Variants in TGM6 observed in about 807,000 individuals in gnomAD.
The protein encoded by TGM6 is protein-glutamine gamma-glutamyltransferase 6.
In TGM6, 74 loss-of-function variants were observed where a neutral mutation model predicts 77.5. The observed-to-expected ratio is 0.96, with a 90% CI of 0.79 to 1.16. The LOEUF (loss-of-function observed/expected upper bound fraction) is 1.16. Among genes scored for constraint, TGM6 ranks in the 50% most tolerant of loss-of-function variants. TGM6 has a pLI of 0.00. For synonymous variants in TGM6, 383 were observed against 378.9 expected, an observed-to-expected ratio of 1.01 and a Z score of -0.12; for missense variants, 968 against 940.2, an observed-to-expected ratio of 1.03 and a Z score of -0.39.
At chr20:2,431,837 G>C (rs1470043498) in intron 12 of TGM6, among the ~76,000 whole-genome samples, 1 of 152,160 alleles carries the variant, frequency 6.6e-6, no homozygotes, top group Non-Finnish European at 1.5e-5. Context: ...CCTGATGGCT[G>C]GTGTTGTCAG....
Position 2,430,900 on chromosome 20 carries a change from GGCCCA to G in TGM6, c.1844_1848del (p.Pro615HisfsTer55), listed in dbSNP as rs1313336472. ...TGGGTGTTGTCCCCTTCAGGTTCTG[GGCCCA>G]GCCATGGTGGGAGTGGCAGTTACAG... On this transcript the variant is annotated frameshift_variant, in exon 12 of 13. Coordinates refer to ENST00000202625, the MANE Select transcript of TGM6 (RefSeq NM_198994.3). LOFTEE classifies it high-confidence loss of function. The G allele has an allele frequency of 6.2e-6, 10 of 1,614,150 alleles. No homozygotes were observed. The highest frequency in any genetic ancestry group is 8.5e-6 in the Non-Finnish European group (10 of 1,180,022).
chr20:2,432,664 G>A lies in TGM6; in HGVS notation c.*21G>A. ...AGTGATGGATCATGAGGGACTGAGAGGGGTGGATTTGGCCCCTGTCCTCCT... is the reference window on the plus strand; with the variant it reads ...AGTGATGGATCATGAGGGACTGAGAAGGGTGGATTTGGCCCCTGTCCTCCT... On this transcript the variant is annotated 3_prime_UTR_variant, in exon 13 of 13. Transcript: ENST00000202625. 6.2e-7 allele frequency: 1 copy of A among 1,614,050 alleles called. No homozygotes were observed. The highest frequency in any genetic ancestry group is 8.5e-7 in the Non-Finnish European group (1 of 1,179,980).
At chr20:2,390,053 T>G (rs2084620324) in intron 1 of TGM6, among the ~76,000 whole-genome samples, 1 of 152,136 alleles carries the variant, frequency 6.6e-6, no homozygotes, top group Non-Finnish European at 1.5e-5. Flanking sequence ...TTCTTTGAAC[T>G]CTCCCCAAAC....
At chr20:2,400,990 G>T (rs572179145) in intron 7 of TGM6, among the ~76,000 whole-genome samples, 1 of 152,116 alleles carries the variant, frequency 6.6e-6, no homozygotes, top group East Asian at 1.9e-4. Flanking sequence ...AGCGAGCTGA[G>T]ATCACACCAT....
intron 1 of TGM6, 45 bp downstream of exon 1, chr20:2,381,020 G>T (rs376397734): frequency 1.4e-5 from 23 of 1,605,376 alleles, no homozygotes; most frequent in Non-Finnish European, 1.9e-5. Context: ...GGGCTCATGA[G>T]GGGGGCTTCA....
At chr20:2,402,607 C>T (rs949862794) in intron 7 of TGM6, among the ~76,000 whole-genome samples, 1 of 152,132 alleles carries the variant, frequency 6.6e-6, no homozygotes, top group Admixed American at 6.5e-5. Flanking sequence ...AGTTGCCTGC[C>T]GAAGAGGAGT....
At chr20:2,417,153 C>A in intron 9 of TGM6, 79 bp from the exon 10 acceptor site, 1 of 1,352,332 alleles carries the variant, frequency 7.4e-7, no homozygotes, top group Non-Finnish European at 1.0e-6. Context: ...TCTTGAACTG[C>A]CAGTTTGACT....
At position 2,409,357 on chromosome 20, in the gene TGM6, C is replaced by T. The variant is rs188679256; in HGVS notation, c.1336+5534C>T. On this transcript the variant is annotated intron_variant, in intron 9 of 12. Transcript: ENST00000202625. ...CAGTACACAGTGGGGAATTTATAGCCGTAAAACCTATATTAAAGAAGAAAG... is the reference window on the plus strand; with the variant it reads ...CAGTACACAGTGGGGAATTTATAGCTGTAAAACCTATATTAAAGAAGAAAG... Among the ~76,000 whole-genome samples the T allele has an allele frequency of 4.6e-5, 7 of 152,168 alleles. No individual in the cohort carries two copies. In the East Asian group the frequency reaches 7.7e-4, roughly 17 times the overall value.
chr20:2,387,718 C>G lies in TGM6; in HGVS notation c.8-6734C>G, dbSNP rs184219187. Among the ~76,000 whole-genome samples, 3 of 152,352 alleles carry G rather than the reference C, an allele frequency of 2.0e-5. No homozygotes were observed. In the East Asian group the frequency reaches 5.8e-4, roughly 29 times the overall value. ...CAGTTTTCAATTCCTGTGTAGCAAA[C>G]TGCCCCAGCACTTAGGGGCTTCAGA... On this transcript the variant is annotated intron_variant, in intron 1 of 12. Coordinates refer to ENST00000202625, the MANE Select transcript of TGM6 (RefSeq NM_198994.3).
intron 10 of TGM6, among the ~76,000 whole-genome samples, chr20:2,421,041 C>T (rs532389423): frequency 2.0e-5 from 3 of 151,826 alleles, no homozygotes; most frequent in African/African-American, 7.3e-5. Context: ...GGCTAGAGTG[C>T]AGTGGTGCGA....
intron 10 of TGM6, among the ~76,000 whole-genome samples, chr20:2,425,761 A>C (rs1323581588): frequency 1.3e-5 from 2 of 152,184 alleles, no homozygotes; most frequent in Non-Finnish European, 2.9e-5. Context: ...TTTTGTGGGT[A>C]CACATATTTT....
chr20:2,415,736 G>T (rs1348939903), intron 9 of TGM6, among the ~76,000 whole-genome samples: 3 of 152,170 alleles, frequency 2.0e-5, no homozygotes, highest in Non-Finnish European at 4.4e-5. Flanking sequence ...CGGGCTCATG[G>T]CTGCACCATT....
intron 1 of TGM6, among the ~76,000 whole-genome samples, chr20:2,382,046 T>C (rs1206251345): frequency 1.3e-5 from 2 of 152,254 alleles, no homozygotes; most frequent in Non-Finnish European, 2.9e-5. Context: ...CCAGGGGTCC[T>C]ACACTCACAG....
chr20:2,383,650 G>A (rs1445481829), intron 1 of TGM6, among the ~76,000 whole-genome samples: 1 of 152,174 alleles, frequency 6.6e-6, no homozygotes, highest in Non-Finnish European at 1.5e-5. Context: ...GGGATGGATT[G>A]AACAGGTTGA....
chr20:2,409,470 G>T (rs1038017792), intron 9 of TGM6, among the ~76,000 whole-genome samples: 1 of 152,158 alleles, frequency 6.6e-6, no homozygotes, highest in African/African-American at 2.4e-5. Context: ...TCAGCATTTT[G>T]GGAGGCCGAG....
intron 9 of TGM6, among the ~76,000 whole-genome samples, chr20:2,414,935 G>GT (rs1337734289): frequency 5.5e-5 from 6 of 109,804 alleles, no homozygotes; most frequent in African/African-American, 2.9e-4. Flanking sequence ...TACAGAATTT[G>GT]GGGGGGGGGG....
rs115162969 is a variant in TGM6, at chr20:2,407,716, G to A, written c.1336+3893G>A. Among the ~76,000 whole-genome samples, 805 of 152,298 alleles carry A rather than the reference G, an allele frequency of 5.3e-3. 6 individuals are homozygous for A. The highest frequency in any genetic ancestry group is 0.017 in the African/African-American group (711 of 41,560). On this transcript the variant is annotated intron_variant, in intron 9 of 12. Coordinates refer to ENST00000202625, the MANE Select transcript of TGM6 (RefSeq NM_198994.3). ...AGCCCAGAAGAGCTGGAATTCTAAC[G>A]AGGCAGTCTACTCTTAGGGCCTCTG...
chr20:2,398,392 C>CA (rs2084683573), intron 5 of TGM6, among the ~76,000 whole-genome samples: 1 of 152,126 alleles, frequency 6.6e-6, no homozygotes, highest in South Asian at 2.1e-4. Flanking sequence ...CATGTCATGT[C>CA]TCCTGGAACT....
At chr20:2,388,626 A>AC (rs1350221169) in intron 1 of TGM6, among the ~76,000 whole-genome samples, 1 of 150,788 alleles carries the variant, frequency 6.6e-6, no homozygotes, top group Admixed American at 6.6e-5. Flanking sequence ...CAAACAAACA[A>AC]ACAAAAAAAA....
Sources: allele counts gnomAD v4.1 joint callset (sites outside exome capture counted in the v4.1 genomes callset), GRCh38; gene constraint gnomAD v4.1.1; transcripts MANE v1.5; gene names NCBI Gene and HGNC (gene_info 2026-07-23, HGNC 2026-07-21).